Variants in TOR1B observed in about 807,000 individuals in gnomAD.
TOR1B encodes torsin family 1 member B, also known as torsin-1B.
TOR1B carries 14 observed loss-of-function variants against 29.2 expected under a neutral mutation model. The observed-to-expected ratio is 0.48, with a 90% confidence interval of 0.32 to 0.75. The LOEUF is 0.75. TOR1B is among the 30% of genes least tolerant of loss of function. The pLI is 0.04. For synonymous variants in TOR1B, 166 were observed against 179.8 expected, an observed-to-expected ratio of 0.92 and a Z score of 0.62; for missense variants, 400 against 433.9, an observed-to-expected ratio of 0.92 and a Z score of 0.69.
chr9:129,803,506 G>A (rs1412384982), intron 1 of TOR1B, 95 bp downstream of exon 1: 1 of 1,220,236 alleles, frequency 8.2e-7, no homozygotes, highest in African/African-American at 1.6e-5. Context: ...GGCACGGACC[G>A]GGCCCGTGGC....
rs2030663760 is a variant in TOR1B at position 129,808,916 on chromosome 9, G to T, written c.653G>T (p.Gly218Val). 1 of 1,613,316 alleles carries T rather than the reference G, an allele frequency of 6.2e-7. No individual in the cohort carries two copies. Among genetic ancestry groups the T allele is most frequent in the Non-Finnish European group, 8.5e-7 (1 of 1,179,850 alleles). Reference protein sequence around the residue: ...AIFIFLSNAGGDLITKTALDF... With the variant: ...AIFIFLSNAGVDLITKTALDF... ...TCTGGCAAACTCAGCAATGCAGGCGGGGACCTTATAACTAAGACGGCTCTT... is the reference window on the plus strand; with the variant it reads ...TCTGGCAAACTCAGCAATGCAGGCGTGGACCTTATAACTAAGACGGCTCTT... Residue 218 changes from glycine to valine, a missense_variant, in exon 4 of 5, where the codon GGG becomes GTG. By Grantham distance (109) the Gly-to-Val change is moderately radical. Transcript: ENST00000259339.
Position 129,803,310 on chromosome 9 carries a change from C to A in TOR1B, c.98C>A (p.Ala33Asp). 6.3e-7 allele frequency: 1 copy of A among 1,589,986 alleles called. No individual in the cohort carries two copies. Among genetic ancestry groups the A allele is most frequent in the Non-Finnish European group, 8.5e-7 (1 of 1,171,998 alleles). Residue 33 changes from alanine to aspartate, a missense_variant, in exon 1 of 5, where the codon GCC becomes GAC. Transcript: ENST00000259339. ...TTCGAGCCCATCACCGTGGGCCTAG[C>A]CATCGGGGCCGCGTCGGCCATCACC... ...AAFEPITVGL[A>D]IGAASAITGY...
chr9:129,808,743 G>A (rs2030650804), intron 3 of TOR1B, among the ~76,000 whole-genome samples, 162 bp from the exon 4 acceptor site: 1 of 151,610 alleles, frequency 6.6e-6, no homozygotes, highest in Non-Finnish European at 1.5e-5. Context: ...GTAGAGATGG[G>A]GTTACTCTAT....
At position 129,808,943 on chromosome 9, in the gene TOR1B, A is replaced by C. The variant is rs774254987; in HGVS notation, c.680A>C (p.Asp227Ala). 50 of 1,613,810 alleles carry C rather than the reference A, an allele frequency of 3.1e-5. No individual in the cohort carries two copies. Among genetic ancestry groups the C allele is most frequent in the Non-Finnish European group, 3.9e-5 (46 of 1,179,992 alleles). Residue 227 changes from aspartate to alanine, a missense_variant, in exon 4 of 5, where the codon GAC (aspartate) becomes GCC (alanine). Coordinates refer to ENST00000259339, the MANE Select transcript of TOR1B (RefSeq NM_014506.3). ...GACCTTATAACTAAGACGGCTCTTG[A>C]CTTTTGGCGGGCCGGAAGAAAGAGG... ...GGDLITKTAL[D>A]FWRAGRKRED... is the part of the protein sequence containing the mutation.
chr9:129,805,190 C>T (rs1415244571), intron 2 of TOR1B, among the ~76,000 whole-genome samples: 2 of 150,880 alleles, frequency 1.3e-5, no homozygotes, highest in Non-Finnish European at 2.9e-5. Flanking sequence ...CAGTGGCTCA[C>T]GCCTGTAATC....
chr9:129,810,300 G>C lies in TOR1B; in HGVS notation c.*717G>C. On this transcript the variant is annotated 3_prime_UTR_variant, in exon 5 of 5. Coordinates refer to ENST00000259339, the MANE Select transcript of TOR1B (RefSeq NM_014506.3). ...AGACGGTGTCTGACCGGAGGATGTGGCCGTGCCCGCCGAGCACTCTTGATC... is the reference window on the plus strand; with the variant it reads ...AGACGGTGTCTGACCGGAGGATGTGCCCGTGCCCGCCGAGCACTCTTGATC... 7.7e-7 allele frequency: 1 copy of C among 1,302,256 alleles called. No individual in the cohort carries two copies. The highest frequency in any genetic ancestry group is 2.3e-5 in the Admixed American group (1 of 43,380). 80.7% of individuals were successfully genotyped at this position (1,302,256 alleles called of 1,614,324 possible).
Position 129,804,110 on chromosome 9 carries a change from G to A in TOR1B, c.237G>A (p.Gln79=), listed in dbSNP as rs777605973. The change falls in exon 2 of 5, where the codon CAG becomes CAA. Residue 79 remains glutamine (Q), a synonymous_variant. Coordinates refer to ENST00000259339, the MANE Select transcript of TOR1B (RefSeq NM_014506.3). ...KLDLEEKLFG[Q]HLATEVIFKA... is the part of the protein sequence containing the mutation. The stretch of plus-strand genomic sequence containing the variant: ...ATTTGGAGGAGAAGCTGTTTGGACA[G>A]CATCTAGCCACGGAAGTGATTTTCA... The A allele has an allele frequency of 5.6e-6, 9 of 1,614,222 alleles. No homozygotes were observed. Among genetic ancestry groups the A allele is most frequent in the Non-Finnish European group, 5.9e-6 (7 of 1,180,036 alleles).
At position 129,803,249 on chromosome 9, in the gene TOR1B, C is replaced by T. The variant is rs2030261134; in HGVS notation, c.37C>T (p.Leu13=). Reference sequence around the variant, plus strand: ...TGGGTGGCTCCGGGGCGCGGCGGCGCTGGCGCTGCTGCTGGCGGCCCGAGT... The same window carrying T: ...TGGGTGGCTCCGGGGCGCGGCGGCGTTGGCGCTGCTGCTGGCGGCCCGAGT... ...RAGWLRGAAA[L]ALLLAARVVA... is the part of the protein sequence containing the mutation. Residue 13 remains leucine, a synonymous_variant, in exon 1 of 5, where the codon CTG becomes TTG. Transcript: ENST00000259339. The T allele has an allele frequency of 3.2e-6, 5 of 1,550,496 alleles. No individual in the cohort carries two copies. Among genetic ancestry groups the T allele is most frequent in the Admixed American group, 3.8e-5 (2 of 53,064 alleles).
At chr9:129,807,114 C>G (rs554691422) in intron 2 of TOR1B, 74 bp from the exon 3 acceptor site, 1 of 1,467,092 alleles carries the variant, frequency 6.8e-7, no homozygotes, top group Non-Finnish European at 9.4e-7. Flanking sequence ...GCATGAGGAG[C>G]AGATGGAGCC....
intron 2 of TOR1B, among the ~76,000 whole-genome samples, chr9:129,804,997 G>A (rs896628980): frequency 3.3e-5 from 5 of 151,620 alleles, no homozygotes; most frequent in African/African-American, 1.2e-4. Context: ...AATTAGCCGG[G>A]GATGGTGGCG....
rs1286361703 is a variant in TOR1B at position 129,803,323 on chromosome 9, G to A, written c.111G>A (p.Ala37=). The stretch of plus-strand genomic sequence containing the variant: ...CCGTGGGCCTAGCCATCGGGGCCGC[G>A]TCGGCCATCACCGGCTACCTGTCCT... ...PITVGLAIGA[A]SAITGYLSYN... The change falls in exon 1 of 5, where the codon GCG becomes GCA. Residue 37 remains alanine (A), a synonymous_variant. Coordinates refer to ENST00000259339, the MANE Select transcript of TOR1B (RefSeq NM_014506.3). The A allele has an allele frequency of 1.3e-6, 2 of 1,591,076 alleles. No homozygotes were observed. The highest frequency in any genetic ancestry group is 1.7e-6 in the Non-Finnish European group (2 of 1,172,306).
At chr9:129,808,829 G>A in intron 3 of TOR1B, 76 bp from the exon 4 acceptor site, 1 of 1,581,760 alleles carries the variant, frequency 6.3e-7, no homozygotes, top group Non-Finnish European at 8.6e-7. Context: ...TGGGATTACA[G>A]GCATGAGCCA....
In TOR1B at chr9:129,807,173, T is replaced by C; in HGVS notation, c.466-15T>C. 6.2e-7 allele frequency: 1 copy of C among 1,611,840 alleles called. No individual in the cohort carries two copies. Among genetic ancestry groups the C allele is most frequent in the Non-Finnish European group, 8.5e-7 (1 of 1,178,278 alleles). On this transcript the variant is annotated splice_polypyrimidine_tract_variant and intron_variant, in intron 2 of 4. Coordinates refer to ENST00000259339, the MANE Select transcript of TOR1B (RefSeq NM_014506.3). ...TGAGCTTCGCATCCTGTTTCTTCTTTCATGGTTGGTCCAGGACCAGTTACA... is the reference window on the plus strand; with the variant it reads ...TGAGCTTCGCATCCTGTTTCTTCTTCCATGGTTGGTCCAGGACCAGTTACA...
intron 3 of TOR1B, among the ~76,000 whole-genome samples, chr9:129,808,543 CTTTTTT>C (rs763409733): frequency 9.9e-4 from 77 of 77,810 alleles, no homozygotes; most frequent in African/African-American, 3.2e-3. Context: ...ACACAGAAGT[CTTTTTT>C]TTTTTTTTTT....
intron 2 of TOR1B, 165 bp downstream of exon 2, chr9:129,804,503 C>T: frequency 1.2e-6 from 1 of 854,354 alleles, no homozygotes; most frequent in East Asian, 2.5e-5. Flanking sequence ...TCTCCTACAA[C>T]ATTTCTCTTA....
At chr9:129,809,305 G>A (rs1309170968) in intron 4 of TOR1B, 37 bp from the exon 5 acceptor site, 19 of 1,612,170 alleles carry the variant, frequency 1.2e-5, no homozygotes, top group Non-Finnish European at 1.6e-5. Flanking sequence ...CCAGGTGGCG[G>A]TGGTGGCAGG....
At chr9:129,805,031 G>A (rs1000868352) in intron 2 of TOR1B, among the ~76,000 whole-genome samples, 5 of 151,720 alleles carry the variant, frequency 3.3e-5, no homozygotes, top group Non-Finnish European at 7.4e-5. Flanking sequence ...CCAGCTACTC[G>A]GGAGGCTGAG....
intron 3 of TOR1B, among the ~76,000 whole-genome samples, chr9:129,807,579 G>A (rs977561060): frequency 1.5e-4 from 23 of 152,134 alleles, no homozygotes; most frequent in Non-Finnish European, 3.2e-4. Context: ...TGGGCCAGGC[G>A]CGGTGGCTCA....
At chr9:129,804,554 T>G (rs2030361815) in intron 2 of TOR1B, 1 of 588,882 alleles carries the variant, frequency 1.7e-6, no homozygotes, top group Non-Finnish European at 2.8e-6. Context: ...GGATGTTATT[T>G]CCATTAAAAG....
Sources: gnomAD v4.1 joint callset for allele counts (sites outside exome capture counted in the v4.1 genomes callset) on GRCh38, gnomAD v4.1.1 for gene constraint, MANE v1.5 for transcripts, NCBI Gene and HGNC (gene_info 2026-07-23, HGNC 2026-07-21) for gene names.